Variants in PRSS23 observed in about 807,000 individuals in gnomAD.
The protein encoded by PRSS23 is serine protease 23.
A neutral mutation model predicts 34.7 loss-of-function variants in PRSS23; 25 were observed. The observed-to-expected ratio is 0.72, with a 90% CI of 0.53 to 1.01. The LOEUF (loss-of-function observed/expected upper bound fraction) is 1.01, where lower values mean the gene tolerates loss of function less well. Ranked by LOEUF, PRSS23 falls within the 50% of genes least tolerant of loss-of-function variation. The probability of loss-of-function intolerance (pLI) is 0.00; values close to 1 mark genes in which losing one functional copy is unlikely to be tolerated. For missense variants in PRSS23, 445 were observed against 475.6 expected (o/e 0.94, Z 0.60); for synonymous variants, 176 against 186.6 (o/e 0.94, Z 0.46).
chr11:86,798,076 A>C (rs902596574), upstream of PRSS23, among the ~76,000 whole-genome samples: 2 of 152,194 alleles, frequency 1.3e-5, no homozygotes, highest in Non-Finnish European at 2.9e-5. Flanking sequence ...CTCTAATACA[A>C]CTTGAGCATG....
intron 2 of PRSS23, among the ~76,000 whole-genome samples, chr11:86,896,924 A>G (rs1948880756): frequency 6.6e-6 from 1 of 152,260 alleles, no homozygotes; most frequent in Admixed American, 6.5e-5. Flanking sequence ...TACATCTTAT[A>G]CATATGTATA....
chr11:86,934,634 AAAG>A (rs1422763377), intron 2 of PRSS23: 5 of 152,218 alleles, frequency 3.3e-5, no homozygotes, highest in African/African-American at 1.2e-4. Context: ...CAGGCTAATG[AAAG>A]AAGACTCTGA....
At chr11:86,920,890 T>C (rs953061163) in intron 2 of PRSS23, among the ~76,000 whole-genome samples, 4 of 152,176 alleles carry the variant, frequency 2.6e-5, no homozygotes, top group African/African-American at 9.7e-5. Context: ...TGATCCTTCG[T>C]CACTGTTGTC....
intron 2 of PRSS23, among the ~76,000 whole-genome samples, chr11:86,943,742 AATTT>A (rs1003507724): frequency 2.0e-5 from 3 of 152,054 alleles, no homozygotes; most frequent in Non-Finnish European, 2.9e-5. Context: ...AGGCAACAGG[AATTT>A]ATTTATTATT....
At chr11:86,911,616 A>G (rs1448707010) in intron 2 of PRSS23, 1 of 152,206 alleles carries the variant, frequency 6.6e-6, no homozygotes, top group Non-Finnish European at 1.5e-5. Context: ...GATAATAGCC[A>G]CCAGCTGCAT....
At chr11:86,916,776 C>T (rs1453506118) in intron 2 of PRSS23, among the ~76,000 whole-genome samples, 1 of 152,062 alleles carries the variant, frequency 6.6e-6, no homozygotes, top group Non-Finnish European at 1.5e-5. Context: ...GTTTGACCCC[C>T]GGTGTATAAA....
chr11:86,818,611 C>T (rs1429483817), intron 1 of PRSS23, among the ~76,000 whole-genome samples: 1 of 152,132 alleles, frequency 6.6e-6, no homozygotes, highest in East Asian at 1.9e-4. Context: ...AAAATCTTTC[C>T]CCGAGGCATC....
intron 2 of PRSS23, among the ~76,000 whole-genome samples, chr11:86,868,529 T>C (rs1300657244): frequency 6.6e-6 from 1 of 152,124 alleles, no homozygotes; most frequent in African/African-American, 2.4e-5. Flanking sequence ...GGTGACTTTT[T>C]ATTATAGGGA....
intron 2 of PRSS23, among the ~76,000 whole-genome samples, chr11:86,830,357 A>T (rs935210258): frequency 6.6e-6 from 1 of 152,164 alleles, no homozygotes; most frequent in African/African-American, 2.4e-5. Flanking sequence ...GCGCAGTATT[A>T]GGGTGGGAGT....
intron 2 of PRSS23, among the ~76,000 whole-genome samples, chr11:86,895,446 A>AT (rs931341567): frequency 1.7e-5 from 2 of 117,680 alleles, no homozygotes; most frequent in African/African-American, 6.1e-5. Context: ...GAATATCTGG[A>AT]TTTTTTACTG....
At chr11:86,800,728 C>T (rs888819124) in intron 1 of PRSS23, 77 bp downstream of exon 1, 6 of 826,500 alleles carry the variant, frequency 7.3e-6, no homozygotes, top group South Asian at 1.1e-4. Context: ...GACAAAGGGC[C>T]GGGTATGCGC....
chr11:86,851,560 C>T (rs539082805), intron 2 of PRSS23, among the ~76,000 whole-genome samples: 5 of 152,206 alleles, frequency 3.3e-5, no homozygotes, highest in African/African-American at 4.8e-5. Flanking sequence ...TGAGTCTGGA[C>T]GTAGACTGCC....
At chr11:86,896,054 C>G (rs894291942) in intron 2 of PRSS23, among the ~76,000 whole-genome samples, 8 of 152,110 alleles carry the variant, frequency 5.3e-5, no homozygotes. Context: ...CTGCCTTTGT[C>G]TCTTATTTAT....
rs899125429 is a variant in PRSS23 at position 86,823,198 on chromosome 11, C to T, written c.-11-179C>T. The T allele has an allele frequency of 1.2e-5, 7 of 598,604 alleles. No individual in the cohort carries two copies. In the African/African-American group the frequency reaches 1.3e-4, roughly 11 times the overall value. The allele number at this position is 598,604 out of a possible 1,614,324, so 37.1% of individuals were successfully genotyped here. Reference sequence around the variant, plus strand: ...ATAAGGATGATACATACAATTTATTCAGTTCCTATTTCTTTTACTTTAGTA... The same window carrying T: ...ATAAGGATGATACATACAATTTATTTAGTTCCTATTTCTTTTACTTTAGTA... On this transcript the variant is annotated intron_variant, in intron 1 of 2. Coordinates refer to the PRSS23 transcript ENST00000533902.
intron 2 of PRSS23, among the ~76,000 whole-genome samples, chr11:86,924,606 G>T (rs1949068637): frequency 6.6e-6 from 1 of 152,178 alleles, no homozygotes; most frequent in Admixed American, 6.5e-5. Flanking sequence ...AGGCAATTCA[G>T]TGACTCTCAG....
intron 2 of PRSS23, among the ~76,000 whole-genome samples, chr11:86,884,894 C>A (rs1196279025): frequency 6.6e-6 from 1 of 152,210 alleles, no homozygotes; most frequent in Non-Finnish European, 1.5e-5. Flanking sequence ...TGACATCTTT[C>A]ATGTCAGCTG....
At chr11:86,865,417 C>G (rs1426730802) in intron 2 of PRSS23, among the ~76,000 whole-genome samples, 1 of 152,222 alleles carries the variant, frequency 6.6e-6, no homozygotes, top group Non-Finnish European at 1.5e-5. Flanking sequence ...GCTATCATCA[C>G]TGTCACTCTG....
downstream of PRSS23, among the ~76,000 whole-genome samples, chr11:86,812,104 T>C (rs1288425391): frequency 3.3e-5 from 5 of 152,214 alleles, no homozygotes; most frequent in East Asian, 7.7e-4. Context: ...TTGAGAATGC[T>C]ATGACTAATG....
intron 1 of PRSS23, among the ~76,000 whole-genome samples, chr11:86,817,951 T>C (rs769226205): frequency 1.3e-5 from 2 of 152,212 alleles, no homozygotes; most frequent in Non-Finnish European, 2.9e-5. Flanking sequence ...CATGCTCTTA[T>C]TCTACTAATA....
Sources: gnomAD v4.1 joint callset for allele counts (sites outside exome capture counted in the v4.1 genomes callset) on GRCh38, gnomAD v4.1.1 for gene constraint, MANE v1.5 for transcripts, NCBI Gene and HGNC (gene_info 2026-07-23, HGNC 2026-07-21) for gene names.